Variants in TMCC1 observed in about 807,000 individuals in gnomAD.
TMCC1 encodes the protein transmembrane and coiled-coil domain family 1, also known as transmembrane and coiled-coil domains protein 1.
A neutral mutation model predicts 52.4 loss-of-function variants in TMCC1; 15 were observed. The observed-to-expected ratio is 0.29, with a 90% CI of 0.19 to 0.44. The LOEUF (loss-of-function observed/expected upper bound fraction) is 0.44. Ranked by LOEUF, TMCC1 falls within the 20% of genes least tolerant of loss-of-function variation. TMCC1 has a pLI of 1.00. For missense variants in TMCC1, 503 were observed against 806.0 expected (o/e 0.62, Z 4.55); for synonymous variants, 279 against 301.9 (o/e 0.92, Z 0.79).
intron 4 of TMCC1, among the ~76,000 whole-genome samples, chr3:129,778,677 G>GGGT (rs1553866347): frequency 6.6e-6 from 1 of 151,126 alleles, no homozygotes; most frequent in African/African-American, 2.4e-5. Flanking sequence ...ATCATGGTGG[G>GGGT]GGGGGGGCAG....
At chr3:129,866,100 G>C (rs2060614108) in intron 2 of TMCC1, among the ~76,000 whole-genome samples, 1 of 151,560 alleles carries the variant, frequency 6.6e-6, no homozygotes, top group South Asian at 2.1e-4. Flanking sequence ...CACTATTCTG[G>C]ATGCCCTGAC....
intron 4 of TMCC1, among the ~76,000 whole-genome samples, chr3:129,714,326 TGCA>T (rs1419095460): frequency 6.6e-6 from 1 of 152,234 alleles, no homozygotes; most frequent in African/African-American, 2.4e-5. Context: ...CCTGAAAGAC[TGCA>T]GCAATTTACA....
Position 129,849,828 on chromosome 3 carries a change from A to T in TMCC1, c.-183-17002T>A, listed in dbSNP as rs1011832333. Among the ~76,000 whole-genome samples the T allele has an allele frequency of 7.9e-5, 12 of 151,916 alleles. No individual in the cohort carries two copies. The East Asian group carries it at 1.6e-3, about 20-fold the overall frequency. Reference sequence around the variant, plus strand: ...CACACACACATACATATATACACCCATGTATATATATGTATGTGTGTGCAT... The same window carrying T: ...CACACACACATACATATATACACCCTTGTATATATATGTATGTGTGTGCAT... On this transcript the variant is annotated intron_variant, in intron 2 of 6. Coordinates refer to ENST00000393238, the MANE Select transcript of TMCC1 (RefSeq NM_001017395.5).
At chr3:129,797,329 C>CA (rs534195938) in intron 4 of TMCC1, among the ~76,000 whole-genome samples, 2,141 of 115,910 alleles carry the variant, frequency 0.018, 60 homozygotes, top group Admixed American at 0.082. Flanking sequence ...CCATCTCAAA[C>CA]AAAAAAAAAA....
At chr3:129,696,668 T>C (rs1217310146) in intron 4 of TMCC1, among the ~76,000 whole-genome samples, 1 of 152,214 alleles carries the variant, frequency 6.6e-6, no homozygotes, top group African/African-American at 2.4e-5. Flanking sequence ...CTTTTCCGCC[T>C]ATGAGCCTGT....
At chr3:129,876,865 G>A (rs1308594306) in intron 2 of TMCC1, among the ~76,000 whole-genome samples, 3 of 152,136 alleles carry the variant, frequency 2.0e-5, no homozygotes, top group Non-Finnish European at 2.9e-5. Context: ...GCTGAGGCAG[G>A]AGAATGGTGT....
At chr3:129,876,354 CAA>C (rs1453938017) in intron 2 of TMCC1, among the ~76,000 whole-genome samples, 1 of 148,502 alleles carries the variant, frequency 6.7e-6, no homozygotes, top group Non-Finnish European at 1.5e-5. Flanking sequence ...ACTGACAGAA[CAA>C]AGACTATATT....
At chr3:129,777,571 A>G (rs1160502818) in intron 4 of TMCC1, among the ~76,000 whole-genome samples, 1 of 152,206 alleles carries the variant, frequency 6.6e-6, no homozygotes, top group Non-Finnish European at 1.5e-5. Flanking sequence ...CCAGAGAAAG[A>G]CAACATATTT....
rs758140069 is a variant in TMCC1 at position 129,670,678 on chromosome 3, T to C, written c.1163A>G (p.Asn388Ser). The C allele has an allele frequency of 2.5e-5, 41 of 1,614,074 alleles. No individual in the cohort carries two copies. The South Asian group carries it at 3.6e-4, about 14-fold the overall frequency. ...NKFGSADNIP[N>S]LKDSLEEGQV... ...CCCTTCCTCTAAAGAGTCCTTCAGGTTGGGGATGTTGTCTGCACTGCCAAA... is the reference window on the plus strand; with the variant it reads ...CCCTTCCTCTAAAGAGTCCTTCAGGCTGGGGATGTTGTCTGCACTGCCAAA... The change falls in exon 5 of 7, where the codon AAC becomes AGC. Residue 388 changes from asparagine (N) to serine (S), a missense_variant. By Grantham distance (46) the Asn-to-Ser change is conservative. Coordinates refer to ENST00000393238, the MANE Select transcript of TMCC1 (RefSeq NM_001017395.5).
chr3:129,671,501 T>G (rs561368922), intron 4 of TMCC1, among the ~76,000 whole-genome samples: 89 of 152,364 alleles, frequency 5.8e-4, no homozygotes, highest in Non-Finnish European at 1.0e-3. Context: ...AGCTGGGGGA[T>G]TCTTCCTTTG....
At chr3:129,686,579 T>C (rs972614215) in intron 4 of TMCC1, among the ~76,000 whole-genome samples, 1 of 152,238 alleles carries the variant, frequency 6.6e-6, no homozygotes, top group Admixed American at 6.5e-5. Context: ...GCTGGGTATG[T>C]AATGATGAAC....
At chr3:129,796,775 A>G (rs1236312964) in intron 4 of TMCC1, among the ~76,000 whole-genome samples, 1 of 152,216 alleles carries the variant, frequency 6.6e-6, no homozygotes, top group Non-Finnish European at 1.5e-5. Flanking sequence ...CAGGAATTTG[A>G]CGCTGCAGTG....
intron 4 of TMCC1, among the ~76,000 whole-genome samples, chr3:129,686,819 G>T (rs539562676): frequency 3.3e-4 from 50 of 152,284 alleles, no homozygotes; most frequent in African/African-American, 1.2e-3. Flanking sequence ...GATAGAAAAG[G>T]AGATTGCTAC....
intron 4 of TMCC1, among the ~76,000 whole-genome samples, chr3:129,702,364 T>G (rs2047902824): frequency 6.6e-6 from 1 of 152,134 alleles, no homozygotes; most frequent in African/African-American, 2.4e-5. Context: ...TTAAGTTTTA[T>G]TTTCCAAGTG....
At chr3:129,837,003 G>A (rs906216433) in intron 2 of TMCC1, among the ~76,000 whole-genome samples, 5 of 152,154 alleles carry the variant, frequency 3.3e-5, no homozygotes, top group African/African-American at 1.2e-4. Flanking sequence ...GCAATTTCTG[G>A]TGGAATCCCA....
At chr3:129,717,822 T>C (rs1272630941) in intron 4 of TMCC1, among the ~76,000 whole-genome samples, 1 of 152,224 alleles carries the variant, frequency 6.6e-6, no homozygotes, top group Non-Finnish European at 1.5e-5. Context: ...CCAACTGGTC[T>C]ATCTTGCCCA....
chr3:129,692,896 G>A (rs1285752942), intron 4 of TMCC1, among the ~76,000 whole-genome samples: 2 of 152,094 alleles, frequency 1.3e-5, no homozygotes, highest in African/African-American at 2.4e-5. Flanking sequence ...AGGCTGGAGT[G>A]CAGAGGTACC....
At chr3:129,812,336 CA>C (rs11387876) in intron 4 of TMCC1, among the ~76,000 whole-genome samples, 20 of 56,028 alleles carry the variant, frequency 3.6e-4, no homozygotes, top group African/African-American at 1.5e-3. Context: ...GACTCTGTCT[CA>C]AAAAAAAAAA....
intron 4 of TMCC1, among the ~76,000 whole-genome samples, chr3:129,709,613 C>T (rs2048510305): frequency 6.7e-6 from 1 of 149,890 alleles, no homozygotes; most frequent in Admixed American, 6.7e-5. Context: ...ATTTATTTTA[C>T]ACCATAAATC....
Sources: allele counts gnomAD v4.1 joint callset (sites outside exome capture counted in the v4.1 genomes callset), GRCh38; gene constraint gnomAD v4.1.1; transcripts MANE v1.5; gene names NCBI Gene and HGNC (gene_info 2026-07-23, HGNC 2026-07-21).